Variants in GPHN observed in about 807,000 individuals in gnomAD.
GPHN encodes the protein gephyrin.
In GPHN, 17 loss-of-function variants were observed where a neutral mutation model predicts 95.5. The observed-to-expected ratio is 0.18, with a 90% CI of 0.12 to 0.27. The LOEUF (loss-of-function observed/expected upper bound fraction) is 0.27, where lower values mean the gene tolerates loss of function less well. Ranked by LOEUF, GPHN falls within the 10% of genes least tolerant of loss-of-function variation. The pLI, the probability that GPHN is intolerant of heterozygous loss-of-function variation, is 1.00. For missense variants in GPHN, 660 were observed against 978.1 expected, an observed-to-expected ratio of 0.67 and a Z score of 4.34; for synonymous variants, 320 against 322.5, an observed-to-expected ratio of 0.99 and a Z score of 0.08.
the GPHN span, among the ~76,000 whole-genome samples, chr14:67,629,582 A>C: frequency 6.6e-6 from 1 of 152,212 alleles, no homozygotes; most frequent in Non-Finnish European, 1.5e-5. Flanking sequence ...TTGTTTTGCA[A>C]GATGAGTTCT....
At chr14:67,133,940 G>T (rs1338959083) in intron 17 of GPHN, among the ~76,000 whole-genome samples, 1 of 152,118 alleles carries the variant, frequency 6.6e-6, no homozygotes, top group African/African-American at 2.4e-5. Flanking sequence ...ATAGGCAAAT[G>T]TTTCTTATGT....
chr14:67,506,716 T>C, the GPHN span, among the ~76,000 whole-genome samples: 1 of 152,226 alleles, frequency 6.6e-6, no homozygotes, highest in African/African-American at 2.4e-5. Flanking sequence ...CCAGGAGTGG[T>C]GGCTCATGCC....
intron 9 of GPHN, among the ~76,000 whole-genome samples, chr14:67,021,812 A>G (rs1290176704): frequency 6.6e-6 from 1 of 152,120 alleles, no homozygotes; most frequent in Non-Finnish European, 1.5e-5. Context: ...CTACGACTTA[A>G]GAGTAACTAT....
intron 21 of GPHN, among the ~76,000 whole-genome samples, chr14:67,175,324 A>T (rs965470991): frequency 1.3e-4 from 20 of 152,238 alleles, no homozygotes; most frequent in African/African-American, 4.3e-4. Flanking sequence ...GCACCATTTA[A>T]TAAATAGGGA....
chr14:66,770,017 C>A (rs774111628), intron 2 of GPHN, among the ~76,000 whole-genome samples: 1 of 152,216 alleles, frequency 6.6e-6, no homozygotes, highest in Non-Finnish European at 1.5e-5. Flanking sequence ...TTAATAATAG[C>A]CATTCTAATT....
chr14:66,905,313 A>G (rs2065326005), intron 5 of GPHN, among the ~76,000 whole-genome samples: 1 of 151,970 alleles, frequency 6.6e-6, no homozygotes, highest in South Asian at 2.1e-4. Context: ...TTTTATCATA[A>G]ATTTTGAATT....
At chr14:67,320,727 A>G in the GPHN span, among the ~76,000 whole-genome samples, 1 of 152,188 alleles carries the variant, frequency 6.6e-6, no homozygotes, top group African/African-American at 2.4e-5. Flanking sequence ...CAGAAGTTAT[A>G]AGATTATATG....
At chr14:66,605,064 G>A (rs2062452541) in intron 1 of GPHN, among the ~76,000 whole-genome samples, 1 of 152,116 alleles carries the variant, frequency 6.6e-6, no homozygotes, top group Admixed American at 6.6e-5. Flanking sequence ...GTATTCCATG[G>A]TGTATATGTG....
chr14:67,362,229 A>G, the GPHN span, among the ~76,000 whole-genome samples: 1 of 151,954 alleles, frequency 6.6e-6, no homozygotes, highest in Non-Finnish European at 1.5e-5. Context: ...CATGTTGACC[A>G]GGCTGGCCTC....
At chr14:67,279,356 A>G in the GPHN span, 8 of 1,613,900 alleles carry the variant, frequency 5.0e-6, no homozygotes, top group East Asian at 2.2e-5. Flanking sequence ...TTCGGCAACA[A>G]CAGGAGGACA....
chr14:66,658,949 G>T, intron 1 of GPHN, among the ~76,000 whole-genome samples: 1 of 150,158 alleles, frequency 6.7e-6, no homozygotes, highest in African/African-American at 2.4e-5. Flanking sequence ...TAATGTTATT[G>T]GTTTGTGCTC....
At chr14:66,917,004 C>G (rs182026259) in intron 6 of GPHN, among the ~76,000 whole-genome samples, 1 of 152,228 alleles carries the variant, frequency 6.6e-6, no homozygotes. Context: ...AATAGCTAAT[C>G]CATCCACTAA....
Position 66,962,331 on chromosome 14 carries a change from G to GTTT in GPHN, c.829-2857_829-2855dup, listed in dbSNP as rs540551730. Reference sequence around the variant, plus strand: ...TAAGTCTGTATCTCCAGCATAGGCAGTTTTTGTTTTTTTTTTTAAGATTGG... The same window carrying GTTT: ...TAAGTCTGTATCTCCAGCATAGGCAGTTTTTTTTGTTTTTTTTTTTAAGATTGG... On this transcript the variant is annotated intron_variant, in intron 8 of 22. Coordinates refer to ENST00000478722, the MANE Select transcript of GPHN (RefSeq NM_020806.5). Among the ~76,000 whole-genome samples the GTTT allele has an allele frequency of 2.5e-3, 378 of 148,356 alleles. 3 individuals carry two copies. The highest frequency in any genetic ancestry group is 8.9e-3 in the African/African-American group (355 of 40,084).
chr14:67,428,040 G>A, the GPHN span, among the ~76,000 whole-genome samples: 1 of 151,638 alleles, frequency 6.6e-6, no homozygotes, highest in African/African-American at 2.4e-5. Context: ...TCCTGCCTCA[G>A]CCTCCTGAGT....
chr14:67,199,549 T>TG, the GPHN span: 10 of 1,605,952 alleles, frequency 6.2e-6, no homozygotes, highest in Non-Finnish European at 8.5e-6. Flanking sequence ...AAGCCATGAA[T>TG]GGGCAGTACC....
At chr14:67,048,455 TTTGTGCCCACTTTAGAATA>T (rs2153640553) in intron 10 of GPHN, among the ~76,000 whole-genome samples, 1 of 152,318 alleles carries the variant, frequency 6.6e-6, no homozygotes, top group South Asian at 2.1e-4. Context: ...GTAGCATCAA[TTTGTGCCCACTTTAGAATA>T]GCTTTAATCC....
chr14:67,730,756 A>G, the GPHN span, among the ~76,000 whole-genome samples: 72 of 152,192 alleles, frequency 4.7e-4, no homozygotes, highest in African/African-American at 1.6e-3. Context: ...GGTGCCCGCC[A>G]CCACACCTGA....
chr14:67,028,246 AT>A (rs974286769), intron 10 of GPHN, among the ~76,000 whole-genome samples: 1 of 152,114 alleles, frequency 6.6e-6, no homozygotes, highest in African/African-American at 2.4e-5. Flanking sequence ...TATATACCAC[AT>A]TTTCTTTATC....
the GPHN span, among the ~76,000 whole-genome samples, chr14:67,607,975 G>A: frequency 3.9e-5 from 6 of 152,050 alleles, no homozygotes; most frequent in Non-Finnish European, 8.8e-5. Flanking sequence ...GGTGGCTCAC[G>A]CCTGTAATCT....
Sources: gnomAD v4.1 joint callset for allele counts (sites outside exome capture counted in the v4.1 genomes callset) on GRCh38, gnomAD v4.1.1 for gene constraint, MANE v1.5 for transcripts, NCBI Gene and HGNC (gene_info 2026-07-23, HGNC 2026-07-21) for gene names.